TMEM273: variants seen among roughly 807,000 people sequenced by gnomAD.
TMEM273 encodes transmembrane protein 273.
TMEM273 carries 19 observed loss-of-function variants against 17.9 expected under a neutral mutation model. The ratio of observed to expected loss-of-function variants is 1.06; its 90% CI spans 0.74 to 1.55. TMEM273 has a LOEUF of 1.55. Ranked by LOEUF, TMEM273 falls within the 40% of genes most tolerant of loss-of-function variation. The pLI, the probability that TMEM273 is intolerant of heterozygous loss-of-function variation, is 0.00. For synonymous variants in TMEM273, 66 were observed against 62.0 expected (o/e 1.07, Z -0.31); for missense variants, 194 against 155.6 (o/e 1.25, Z -1.31).
At chr10:49,178,707 T>G (rs1847155938) in intron 1 of TMEM273, among the ~76,000 whole-genome samples, 1 of 152,216 alleles carries the variant, frequency 6.6e-6, no homozygotes, top group African/African-American at 2.4e-5. Flanking sequence ...GAAGCCTTCC[T>G]GGATACTCTA....
intron 1 of TMEM273, among the ~76,000 whole-genome samples, chr10:49,173,895 G>C (rs1846761252): frequency 6.6e-6 from 1 of 152,206 alleles, no homozygotes; most frequent in South Asian, 2.1e-4. Flanking sequence ...GTGGCTCTGA[G>C]ACCATGTACA....
chr10:49,178,137 A>G (rs1404006090), intron 1 of TMEM273: 3 of 456,454 alleles, frequency 6.6e-6, no homozygotes, highest in Non-Finnish European at 1.3e-5. Context: ...AATAAGGCCC[A>G]ATGTCCTCCC....
chr10:49,188,187 G>A (rs189373512), intron 1 of TMEM273, 107 bp downstream of exon 1: 36 of 1,238,956 alleles, frequency 2.9e-5, no homozygotes, highest in Non-Finnish European at 4.2e-5. Flanking sequence ...TCTGTGTAAA[G>A]GGACAGAGTT....
intron 6 of TMEM273, among the ~76,000 whole-genome samples, chr10:49,158,551 T>TGTGTG (rs1367006522): frequency 1.3e-5 from 2 of 152,182 alleles, no homozygotes; most frequent in Non-Finnish European, 2.9e-5. Context: ...AAGCACAACG[T>TGTGTG]GTGTGCGGGT....
chr10:49,169,481 A>G (rs1233387268), intron 1 of TMEM273, among the ~76,000 whole-genome samples: 1 of 152,152 alleles, frequency 6.6e-6, no homozygotes, highest in Non-Finnish European at 1.5e-5. Flanking sequence ...CCGGCAGTCT[A>G]ATTTTTTAGA....
chr10:49,170,122 G>A (rs2132179949), intron 1 of TMEM273, among the ~76,000 whole-genome samples: 1 of 152,356 alleles, frequency 6.6e-6, no homozygotes, highest in South Asian at 2.1e-4. Flanking sequence ...CGAGCAGAGA[G>A]GAAGGAAGGA....
chr10:49,162,790 T>G (rs769063793), intron 5 of TMEM273, among the ~76,000 whole-genome samples: 33 of 152,074 alleles, frequency 2.2e-4, no homozygotes, highest in Admixed American at 4.6e-4. Flanking sequence ...CCTCCTGCAC[T>G]CCTCACCACA....
chr10:49,158,423 C>T (rs186118608), intron 6 of TMEM273, among the ~76,000 whole-genome samples: 1 of 152,242 alleles, frequency 6.6e-6, no homozygotes, highest in African/African-American at 2.4e-5. Flanking sequence ...CCAGCTCCCG[C>T]ACCATGAAAG....
intron 1 of TMEM273, among the ~76,000 whole-genome samples, chr10:49,185,126 T>C (rs1203185788): frequency 1.3e-5 from 2 of 152,228 alleles, no homozygotes; most frequent in African/African-American, 4.8e-5. Context: ...TCTGTTTCTC[T>C]GATGGATACA....
At chr10:49,168,193 A>G (rs1233043294) in intron 1 of TMEM273, among the ~76,000 whole-genome samples, 1 of 152,152 alleles carries the variant, frequency 6.6e-6, no homozygotes, top group Non-Finnish European at 1.5e-5. Context: ...CGTTCAGCAC[A>G]GTTTCCAAGA....
intron 1 of TMEM273, among the ~76,000 whole-genome samples, chr10:49,170,859 G>A (rs1846517995): frequency 6.6e-6 from 1 of 152,184 alleles, no homozygotes; most frequent in African/African-American, 2.4e-5. Context: ...CTAGGGTCAT[G>A]AGCTGGGGAG....
intron 5 of TMEM273, among the ~76,000 whole-genome samples, chr10:49,161,910 C>T (rs931055033): frequency 5.9e-5 from 9 of 152,120 alleles, no homozygotes; most frequent in African/African-American, 2.2e-4. Flanking sequence ...GTATAAACTC[C>T]CATCCAGCCA....
rs114774224 is a variant in TMEM273 at position 49,180,003 on chromosome 10, G to A, written c.43+8291C>T. Among the ~76,000 whole-genome samples, 923 of 152,304 alleles carry A rather than the reference G, an allele frequency of 6.1e-3. 7 individuals carry two copies. Among genetic ancestry groups the A allele is most frequent in the African/African-American group, 0.015 (612 of 41,558 alleles). ...TTATAAGGAGCCCCCACTCCCCAAC[G>A]AGGGTGGTGTCAGAGGGTCACATGG... is the stretch of plus-strand genomic sequence containing the variant. On this transcript the variant is annotated intron_variant, in intron 1 of 6. Transcript: ENST00000374153.
At chr10:49,177,078 GA>G (rs1219165429) in intron 1 of TMEM273, among the ~76,000 whole-genome samples, 1 of 152,136 alleles carries the variant, frequency 6.6e-6, no homozygotes, top group Non-Finnish European at 1.5e-5. Flanking sequence ...AGAGCAGAAG[GA>G]AGCCAGGCCT....
In TMEM273 at chr10:49,167,944, A is replaced by G; in HGVS notation, c.62T>C (p.Val21Ala). 1 of 1,614,010 alleles carries G rather than the reference A, an allele frequency of 6.2e-7. No homozygotes were observed. The highest frequency in any genetic ancestry group is 8.5e-7 in the Non-Finnish European group (1 of 1,179,986). Reference sequence around the variant, plus strand: ...CCCAGGGGTCTTGCCTGTTGCCAGCACTTGAGCTCCTCCTACATCTGCAAA... The same window carrying G: ...CCCAGGGGTCTTGCCTGTTGCCAGCGCTTGAGCTCCTCCTACATCTGCAAA... ...LFLLDVGGAQ[V>A]LATGKTPGAE... The change falls in exon 2 of 7, where the codon GTG becomes GCG. Residue 21 changes from valine to alanine, a missense_variant. Val to Ala is a moderately conservative substitution (Grantham distance 64, BLOSUM62 0). Transcript: ENST00000374153.
At chr10:49,179,402 A>T (rs1011458599) in intron 1 of TMEM273, among the ~76,000 whole-genome samples, 2 of 152,114 alleles carry the variant, frequency 1.3e-5, no homozygotes, top group African/African-American at 4.8e-5. Context: ...CTTTCACCCC[A>T]TGGGGAAGAC....
intron 4 of TMEM273, 132 bp from the exon 5 acceptor site, chr10:49,165,415 G>A: frequency 6.6e-7 from 1 of 1,513,188 alleles, no homozygotes; most frequent in Non-Finnish European, 8.8e-7. Context: ...AGAAACCTGG[G>A]ACAAACCACG....
chr10:49,179,848 G>A (rs1176291195), intron 1 of TMEM273, among the ~76,000 whole-genome samples: 1 of 152,166 alleles, frequency 6.6e-6, no homozygotes, highest in Non-Finnish European at 1.5e-5. Flanking sequence ...AGCCTAGGAA[G>A]ACAAGACTTT....
chr10:49,163,052 A>G (rs1845942227), intron 5 of TMEM273, among the ~76,000 whole-genome samples: 2 of 152,022 alleles, frequency 1.3e-5, no homozygotes. Flanking sequence ...GCAGCTGCAC[A>G]CTTAGGAGAA....
Sources: gnomAD v4.1 joint callset for allele counts (sites outside exome capture counted in the v4.1 genomes callset) on GRCh38, gnomAD v4.1.1 for gene constraint, MANE v1.5 for transcripts, NCBI Gene and HGNC (gene_info 2026-07-23, HGNC 2026-07-21) for gene names.